The following METTL15 variants were observed in gnomAD, a reference collection of about 807,000 sequenced individuals.
METTL15 encodes the protein 12S rRNA N(4)-cytidine methyltransferase METTL15.
METTL15 carries 34 observed loss-of-function variants against 38.3 expected under a neutral mutation model. The ratio of observed to expected loss-of-function variants is 0.89; its 90% CI spans 0.68 to 1.18. The LOEUF (loss-of-function observed/expected upper bound fraction) is 1.18. Among genes scored for constraint, METTL15 ranks in the 50% most tolerant of loss-of-function variants. The pLI is 0.00. For missense variants in METTL15, 438 were observed against 498.4 expected (o/e 0.88, Z 1.15); for synonymous variants, 162 against 170.9 (o/e 0.95, Z 0.41).
intron 5 of METTL15, among the ~76,000 whole-genome samples, chr11:28,399,400 C>A (rs147102048): frequency 6.6e-6 from 1 of 151,910 alleles, no homozygotes; most frequent in Non-Finnish European, 1.5e-5. Flanking sequence ...CTTTTACCTG[C>A]GGCTACTATT....
At chr11:28,516,241 C>T (rs779119443) in intron 6 of METTL15, among the ~76,000 whole-genome samples, 2 of 152,076 alleles carry the variant, frequency 1.3e-5, no homozygotes, top group Non-Finnish European at 1.5e-5. Flanking sequence ...CAGTGCTGCC[C>T]TAGATATTAG....
intron 6 of METTL15, among the ~76,000 whole-genome samples, chr11:28,500,516 G>C (rs1851573450): frequency 6.6e-6 from 1 of 151,948 alleles, no homozygotes. Flanking sequence ...TATGCAATGT[G>C]AGCAATATTT....
intron 5 of METTL15, among the ~76,000 whole-genome samples, chr11:28,394,535 A>G (rs900240044): frequency 5.3e-5 from 8 of 152,058 alleles, no homozygotes; most frequent in African/African-American, 1.7e-4. Flanking sequence ...GCAGAGAATG[A>G]AAGTTCTCAA....
chr11:28,214,492 G>A (rs1852780544), intron 4 of METTL15, among the ~76,000 whole-genome samples: 1 of 152,190 alleles, frequency 6.6e-6, no homozygotes, highest in Non-Finnish European at 1.5e-5. Context: ...TTTATTTCAT[G>A]AAGATGAGAT....
intron 2 of METTL15, among the ~76,000 whole-genome samples, chr11:28,111,989 C>G (rs1851739015): frequency 6.6e-6 from 1 of 152,046 alleles, no homozygotes; most frequent in East Asian, 1.9e-4. Flanking sequence ...TTCAATGTCA[C>G]ATTTGCCACA....
intron 4 of METTL15, among the ~76,000 whole-genome samples, chr11:28,270,813 A>G (rs1855612346): frequency 6.6e-6 from 1 of 152,188 alleles, no homozygotes; most frequent in African/African-American, 2.4e-5. Flanking sequence ...ATAGTGCTTA[A>G]TAGTACAGGC....
intron 6 of METTL15, among the ~76,000 whole-genome samples, chr11:28,455,930 T>A: frequency 6.6e-6 from 1 of 152,030 alleles, no homozygotes; most frequent in Non-Finnish European, 1.5e-5. Context: ...ATGGTCTCAA[T>A]CTCCTGACCT....
chr11:28,368,154 A>AAAAAAACAG (rs1564908408), intron 5 of METTL15, among the ~76,000 whole-genome samples: 13 of 138,596 alleles, frequency 9.4e-5, no homozygotes, highest in Non-Finnish European at 1.4e-4. Flanking sequence ...AAAAAAAACA[A>AAAAAAACAG]AAAAAAAAAC....
chr11:28,406,689 G>A (rs1056232364), intron 5 of METTL15, among the ~76,000 whole-genome samples: 6 of 151,990 alleles, frequency 3.9e-5, no homozygotes, highest in Non-Finnish European at 5.9e-5. Context: ...TTTCTCTTGC[G>A]TGATTGCCCT....
intron 6 of METTL15, among the ~76,000 whole-genome samples, chr11:28,440,034 T>C (rs1362280482): frequency 2.6e-5 from 4 of 152,172 alleles, no homozygotes; most frequent in African/African-American, 9.7e-5. Context: ...GTCTCTTAGC[T>C]ACCCAGGCTA....
chr11:28,490,552 G>T (rs1419441739), intron 6 of METTL15, among the ~76,000 whole-genome samples: 1 of 152,060 alleles, frequency 6.6e-6, no homozygotes, highest in East Asian at 1.9e-4. Flanking sequence ...CTCCCCCTGA[G>T]ATTTTGATTT....
chr11:28,374,707 A>G (rs1398938040), intron 5 of METTL15, among the ~76,000 whole-genome samples: 1 of 151,338 alleles, frequency 6.6e-6, no homozygotes, highest in Non-Finnish European at 1.5e-5. Context: ...ACTATGTTGA[A>G]TAGGAGTGGT....
chr11:28,343,384 T>G (rs545788950), intron 3 of METTL15, among the ~76,000 whole-genome samples: 1 of 152,334 alleles, frequency 6.6e-6, no homozygotes, highest in South Asian at 2.1e-4. Flanking sequence ...TTAACCTGTT[T>G]AACTTTCAGT....
At position 28,232,309 on chromosome 11, in the gene METTL15, CT is replaced by C. The variant is rs1853719569; in HGVS notation, c.407+21113del. Among the ~76,000 whole-genome samples the C allele has an allele frequency of 2.6e-5, 4 of 151,782 alleles. No individual in the cohort carries two copies. The South Asian group carries it at 8.3e-4, about 31-fold the overall frequency. On this transcript the variant is annotated intron_variant, in intron 4 of 6. Coordinates refer to ENST00000407364, the MANE Select transcript of METTL15 (RefSeq NM_001113528.2). ...AAAATAGTTTTCACTACTATTTCCA[CT>C]TGCAGTCCTGTGCCAAGGGAATCTA...
At chr11:28,258,319 G>A (rs547830677) in intron 4 of METTL15, among the ~76,000 whole-genome samples, 1 of 152,242 alleles carries the variant, frequency 6.6e-6, no homozygotes, top group South Asian at 2.1e-4. Context: ...GACTATGCTG[G>A]GTCAGACCTG....
intron 6 of METTL15, among the ~76,000 whole-genome samples, chr11:28,511,626 A>G (rs1218864593): frequency 6.6e-6 from 1 of 152,068 alleles, no homozygotes; most frequent in Non-Finnish European, 1.5e-5. Flanking sequence ...TGAGTGTTAC[A>G]GCTCTTAAGG....
At chr11:28,478,986 A>C (rs1374216400) in intron 6 of METTL15, among the ~76,000 whole-genome samples, 1 of 152,008 alleles carries the variant, frequency 6.6e-6, no homozygotes, top group Non-Finnish European at 1.5e-5. Flanking sequence ...TGTATTTGGC[A>C]GGCGTTCTTA....
At chr11:28,347,004 A>C (rs945429397) in intron 3 of METTL15, among the ~76,000 whole-genome samples, 1 of 152,228 alleles carries the variant, frequency 6.6e-6, no homozygotes, top group African/African-American at 2.4e-5. Flanking sequence ...AAAAATGTCT[A>C]TGACTCTTGT....
chr11:28,413,680 T>G (rs1250893167), intron 5 of METTL15, among the ~76,000 whole-genome samples: 1 of 152,178 alleles, frequency 6.6e-6, no homozygotes, highest in African/African-American at 2.4e-5. Context: ...CTCTTAGCTA[T>G]TCTAATGAAC....
Sources: gnomAD v4.1 joint callset for allele counts (sites outside exome capture counted in the v4.1 genomes callset) on GRCh38, gnomAD v4.1.1 for gene constraint, MANE v1.5 for transcripts, NCBI Gene and HGNC (gene_info 2026-07-23, HGNC 2026-07-21) for gene names.